Variants in FN1 observed in about 807,000 individuals in gnomAD.
FN1 encodes fibronectin 1.
Under a neutral mutation model 297.3 loss-of-function variants are expected in FN1, and 106 were observed. The observed-to-expected ratio is 0.36, with a 90% confidence interval of 0.30 to 0.42. FN1 has a LOEUF of 0.42. Ranked by LOEUF, FN1 falls within the 10% of genes least tolerant of loss-of-function variation. The probability of loss-of-function intolerance (pLI) is 1.00; values close to 1 mark genes in which losing one functional copy is unlikely to be tolerated. For synonymous variants in FN1, 1,149 were observed against 1,152.6 expected (o/e 1.00, Z 0.06); for missense variants, 2,690 against 3,124.9 (o/e 0.86, Z 3.32).
chr2:215,363,584 A>T (rs2053955105), intron 44 of FN1: 1 of 152,212 alleles, frequency 6.6e-6, no homozygotes, highest in South Asian at 2.1e-4. Context: ...TTTCCCAAAG[A>T]CTATTTTCCA....
chr2:215,400,434 C>T (rs1426570028), intron 20 of FN1, among the ~76,000 whole-genome samples: 1 of 151,930 alleles, frequency 6.6e-6, no homozygotes, highest in East Asian at 1.9e-4. Flanking sequence ...AGCATCCTGA[C>T]ATCACTGTTA....
intron 12 of FN1, among the ~76,000 whole-genome samples, chr2:215,415,932 TTG>T (rs1357123443): frequency 1.3e-5 from 2 of 152,258 alleles, no homozygotes; most frequent in African/African-American, 4.8e-5. Flanking sequence ...GAAATAAAAA[TTG>T]TGTCTTATAG....
At chr2:215,388,385 G>A in intron 26 of FN1, 84 bp from the exon 27 acceptor site, 1 of 962,986 alleles carries the variant, frequency 1.0e-6, no homozygotes, top group Admixed American at 1.7e-5. Flanking sequence ...TTGAACTGAT[G>A]AAATATCCAA....
intron 38 of FN1, 85 bp from the exon 39 acceptor site, chr2:215,373,496 G>A (rs1308921520): frequency 4.6e-6 from 5 of 1,078,072 alleles, no homozygotes; most frequent in African/African-American, 3.1e-5. Context: ...ACGCTACTGG[G>A]AGCAGGCACT....
intron 20 of FN1, among the ~76,000 whole-genome samples, chr2:215,400,590 A>G (rs1422864691): frequency 2.0e-5 from 3 of 151,618 alleles, no homozygotes; most frequent in Non-Finnish European, 4.4e-5. Context: ...TGTCTCTGCT[A>G]AAAATATAAA....
At chr2:215,382,348 A>G in intron 31 of FN1, 23 bp from the exon 32 acceptor site, 3 of 1,468,078 alleles carry the variant, frequency 2.0e-6, no homozygotes, top group Non-Finnish European at 2.9e-6. Context: ...TGAAAAGCAA[A>G]TGCAACATCC....
chr2:215,410,141 A>T, intron 13 of FN1, 27 bp from the exon 14 acceptor site: 1 of 1,558,034 alleles, frequency 6.4e-7, no homozygotes, highest in Non-Finnish European at 8.7e-7. Context: ...ACACACACAC[A>T]CACACACACA....
rs185760115 is a variant in FN1 at position 215,422,189 on chromosome 2, T to C, written c.1448A>G (p.Gln483Arg). Residue 483 changes from glutamine (Q) to arginine (R), a missense_variant, in exon 10 of 46, where the codon CAG becomes CGG. Gln to Arg is a conservative substitution (Grantham distance 43). Transcript: ENST00000354785. ...NEGVMYRIGD[Q>R]WDKQHDMGHM... ...ACCCATGTCATGCTGCTTATCCCAC[T>C]GATCTCCAATGCGGTACATGACCCC... is the stretch of plus-strand genomic sequence containing the variant. The C allele has an allele frequency of 2.4e-5, 38 of 1,614,132 alleles. 1 individual carries two copies. In the East Asian group the frequency reaches 7.8e-4, roughly 33 times the overall value.
At chr2:215,423,296 C>G (rs2064766079) in intron 9 of FN1, 54 bp downstream of exon 9, 1 of 1,579,484 alleles carries the variant, frequency 6.3e-7, no homozygotes. Flanking sequence ...AGTCTTTAGT[C>G]TCTACTCCCT....
intron 12 of FN1, among the ~76,000 whole-genome samples, chr2:215,417,288 A>G (rs1292602275): frequency 2.8e-4 from 42 of 152,202 alleles, no homozygotes; most frequent in Admixed American, 2.8e-3. Context: ...TAACAATAAA[A>G]TAGTTGAGAT....
Position 215,367,640 on chromosome 2 carries a change from T to C in FN1, c.7018+223A>G, listed in dbSNP as rs147432901. 0.012 allele frequency: 7,079 copies of C among 574,144 alleles called. 64 individuals are homozygous for C. Among genetic ancestry groups the C allele is most frequent in the Middle Eastern group, 0.016 (34 of 2,090 alleles). 35.6% of individuals were successfully genotyped at this position (574,144 alleles called of 1,614,324 possible). ...CCATAATCTTATGTGTAATTAATAG[T>C]TGTATTGGCATACAACCCTTGAAAT... On this transcript the variant is annotated intron_variant, in intron 42 of 45. Coordinates refer to ENST00000354785, the MANE Select transcript of FN1 (RefSeq NM_212482.4).
Position 215,394,613 on chromosome 2 carries a change from C to T in FN1, c.3711G>A (p.Leu1237=), listed in dbSNP as rs1334575739. 2 of 1,614,096 alleles carry T rather than the reference C, an allele frequency of 1.2e-6. No homozygotes were observed. The highest frequency in any genetic ancestry group is 1.7e-6 in the Non-Finnish European group (2 of 1,179,978). The change falls in exon 24 of 46, where the codon CTG becomes CTA. Residue 1237 remains leucine (L), a synonymous_variant. Transcript: ENST00000354785. ...TGACATTGTACTCCAGGCCGGGACT[C>T]AGGTTATCAAAAGTGCAGGAGCTCT... ...ADQSSCTFDN[L]SPGLEYNVSV...
chr2:215,380,792 G>A lies in FN1; in HGVS notation c.5434+19C>T. ...GCCGCTGCTCCCATGGGCACCTGGT[G>A]GTGCAATTAACCATATACCTGTGGA... On this transcript the variant is annotated intron_variant, in intron 33 of 45. Coordinates refer to ENST00000354785, the MANE Select transcript of FN1 (RefSeq NM_212482.4). 6.2e-7 allele frequency: 1 copy of A among 1,612,338 alleles called. No individual in the cohort carries two copies. The highest frequency in any genetic ancestry group is 8.5e-7 in the Non-Finnish European group (1 of 1,179,842).
intron 38 of FN1, among the ~76,000 whole-genome samples, chr2:215,373,671 CTTTTTTTTTTTTTTTT>C (rs58966623): frequency 8.0e-5 from 10 of 125,448 alleles, no homozygotes; most frequent in African/African-American, 3.1e-4. Context: ...CCAGGGTATT[CTTTTTTTTTTTTTTTT>C]TTTTTTTTTT....
At chr2:215,393,261 G>A in intron 24 of FN1, 58 bp from the exon 25 acceptor site, 11 of 1,572,156 alleles carry the variant, frequency 7.0e-6, no homozygotes, top group Middle Eastern at 1.7e-4. Context: ...GGGAAAAAAA[G>A]AGGAAAAAAT....
At chr2:215,423,677 A>T (rs766413808) in intron 8 of FN1, 151 bp from the exon 9 acceptor site, 1 of 767,968 alleles carries the variant, frequency 1.3e-6, no homozygotes, top group Non-Finnish European at 2.2e-6. Flanking sequence ...TATAGTTCTA[A>T]GCTTCTTAGC....
intron 20 of FN1, among the ~76,000 whole-genome samples, chr2:215,402,132 CT>C (rs1296499942): frequency 1.3e-5 from 2 of 152,128 alleles, no homozygotes; most frequent in Non-Finnish European, 2.9e-5. Context: ...AAAACCACAA[CT>C]TTTTTTACAA....
chr2:215,407,485 T>C (rs775185269), intron 17 of FN1, among the ~76,000 whole-genome samples, 164 bp from the exon 18 acceptor site: 3 of 152,220 alleles, frequency 2.0e-5, no homozygotes, highest in Non-Finnish European at 2.9e-5. Flanking sequence ...CTTCTAATAA[T>C]GACTATTCAG....
intron 40 of FN1, among the ~76,000 whole-genome samples, chr2:215,370,825 C>T (rs2055874578): frequency 6.6e-6 from 1 of 152,208 alleles, no homozygotes; most frequent in Non-Finnish European, 1.5e-5. Context: ...GGTCATGCTC[C>T]TCCAGGTGAC....
Sources: gnomAD v4.1 joint callset for allele counts (sites outside exome capture counted in the v4.1 genomes callset) on GRCh38, gnomAD v4.1.1 for gene constraint, MANE v1.5 for transcripts, NCBI Gene and HGNC (gene_info 2026-07-23, HGNC 2026-07-21) for gene names.